ESYT3: variants seen among roughly 807,000 people sequenced by gnomAD.
The protein encoded by ESYT3 is extended synaptotagmin 3, also known as extended synaptotagmin-3.
In ESYT3, 101 loss-of-function variants were observed where a neutral mutation model predicts 111.5. The ratio of observed to expected loss-of-function variants is 0.91; its 90% CI spans 0.77 to 1.07. The LOEUF is 1.07. ESYT3 is among the 50% of genes least tolerant of loss of function. The probability of loss-of-function intolerance (pLI) is 0.00; values close to 1 mark genes in which losing one functional copy is unlikely to be tolerated. For synonymous variants in ESYT3, 416 were observed against 446.8 expected, an observed-to-expected ratio of 0.93 and a Z score of 0.87; for missense variants, 1,097 against 1,109.4, an observed-to-expected ratio of 0.99 and a Z score of 0.16.
Position 138,440,281 on chromosome 3 carries a change from G to C in ESYT3, c.327+5156G>C, listed in dbSNP as rs1407771556. Among the ~76,000 whole-genome samples the C allele has an allele frequency of 6.6e-6, 1 of 152,216 alleles. No homozygotes were observed. The stretch of plus-strand genomic sequence containing the variant: ...TGAGGCGCAGAGCAGTGGTCCCTGG[G>C]ATTGCTCCCTCCAAGCCTCCCTGCC... On this transcript the variant is annotated intron_variant, in intron 1 of 22. Transcript: ENST00000389567. The surrounding 1 kb of genome is among the most constrained non-coding windows in gnomAD (Gnocchi z 4.2).
intron 10 of ESYT3, among the ~76,000 whole-genome samples, chr3:138,466,480 C>G (rs1200234990): frequency 6.6e-6 from 1 of 152,140 alleles, no homozygotes; most frequent in Non-Finnish European, 1.5e-5. Context: ...AAAACAGTTG[C>G]AATTTTTGTA....
In ESYT3 at chr3:138,479,624, CTCAA is replaced by C. The variant is rs58276388; in HGVS notation, c.*2778_*2781del. ...TAGCTAATTGGCATACAGAGCTGTT[CTCAA>C]TCAATCACCTAAGTACCCCCACAGT... On this transcript the variant is annotated 3_prime_UTR_variant, in exon 23 of 23. Transcript: ENST00000389567. 90,792 of 151,534 alleles carry C rather than the reference CTCAA, an allele frequency of 0.6. 27,729 individuals are homozygous for C. Among genetic ancestry groups the C allele is most frequent in the East Asian group, 0.94 (4,863 of 5,148 alleles). The allele number at this position is 151,534 out of a possible 1,614,324, so 9.4% of individuals were successfully genotyped here.
chr3:138,459,147 AC>A (rs1189313616), intron 4 of ESYT3, 39 bp from the exon 5 acceptor site: 7 of 1,463,920 alleles, frequency 4.8e-6, no homozygotes, highest in African/African-American at 4.3e-5. Flanking sequence ...AAGTGGACCT[AC>A]CCCTCCTCCC....
At chr3:138,452,210 G>GAA in intron 2 of ESYT3, 121 bp downstream of exon 2, 3 of 869,936 alleles carry the variant, frequency 3.4e-6, no homozygotes, top group Non-Finnish European at 5.3e-6. Context: ...CGCGGGCAGG[G>GAA]ATGCTCCCTT....
At position 138,478,052 on chromosome 3, in the gene ESYT3, T is replaced by TTAAG. The variant is rs762817206; in HGVS notation, c.*1204_*1207dup. 2.0e-5 allele frequency: 3 copies of TTAAG among 152,216 alleles called. No homozygotes were observed. The highest frequency in any genetic ancestry group is 4.4e-5 in the Non-Finnish European group (3 of 68,020). The allele number at this position is 152,216 out of a possible 1,614,324, so 9.4% of individuals were successfully genotyped here. On this transcript the variant is annotated 3_prime_UTR_variant, in exon 23 of 23. Transcript: ENST00000389567. ...TCATGTCTCAAACCTATTTCCTCTA[T>TTAAG]TAAGTAAGTCAGTCAATCCATAGTG...
At chr3:138,461,949 C>A (rs2032663582) in intron 7 of ESYT3, 137 bp from the exon 8 acceptor site, 1 of 1,240,876 alleles carries the variant, frequency 8.1e-7, no homozygotes, top group Non-Finnish European at 1.1e-6. Flanking sequence ...CCTACCCAGG[C>A]AAGTGGGGTC....
In ESYT3 at chr3:138,473,526, T is replaced by C. The variant is rs1162569201; in HGVS notation, c.2238-10T>C. On this transcript the variant is annotated splice_polypyrimidine_tract_variant and intron_variant, in intron 18 of 22. Coordinates refer to ENST00000389567, the MANE Select transcript of ESYT3 (RefSeq NM_031913.5). ...TATGGCGAGAGAAGTGATGGGCTCT[T>C]TCTTTACAGAGGTGGGGACCTCAGG... 2.5e-6 allele frequency: 4 copies of C among 1,610,220 alleles called. No homozygotes were observed. The highest frequency in any genetic ancestry group is 1.1e-5 in the South Asian group (1 of 91,016).
At chr3:138,455,063 G>A (rs56236670) in intron 2 of ESYT3, 131 bp from the exon 3 acceptor site, 515,009 of 978,646 alleles carry the variant, frequency 0.53, 138,983 homozygotes, top group Admixed American at 0.69. Context: ...AGGCAAGCAG[G>A]TGAGTGCTGC....
chr3:138,458,806 CAG>C (rs1426130185), intron 4 of ESYT3, among the ~76,000 whole-genome samples: 3 of 152,196 alleles, frequency 2.0e-5, no homozygotes, highest in Non-Finnish European at 4.4e-5. Context: ...AGAGATGGGA[CAG>C]GGGGACAGCA....
At chr3:138,471,708 T>C (rs1304283124) in intron 17 of ESYT3, among the ~76,000 whole-genome samples, 2 of 152,232 alleles carry the variant, frequency 1.3e-5, no homozygotes, top group African/African-American at 2.4e-5. Flanking sequence ...GGTTGTTCTC[T>C]TCCAAGGAGC....
In ESYT3 at chr3:138,476,940, A is replaced by G. The variant is rs915223539; in HGVS notation, c.*86A>G. 1.7e-5 allele frequency: 18 copies of G among 1,034,556 alleles called. No homozygotes were observed. Among genetic ancestry groups the G allele is most frequent in the Non-Finnish European group, 2.5e-5 (18 of 709,964 alleles). The allele number at this position is 1,034,556 out of a possible 1,614,324, so 64.1% of individuals were successfully genotyped here. A position where few individuals can be genotyped will look rare whatever the true frequency, so the allele number is the denominator to read the frequency against. Reference sequence around the variant, plus strand: ...CCTTTGGATCACTTACATCCAATATATGTATATTTTGTCATTTAAATCAGA... The same window carrying G: ...CCTTTGGATCACTTACATCCAATATGTGTATATTTTGTCATTTAAATCAGA... On this transcript the variant is annotated 3_prime_UTR_variant, in exon 23 of 23. Transcript: ENST00000389567.
At chr3:138,460,571 C>T (rs1560230174) in intron 6 of ESYT3, 40 bp from the exon 7 acceptor site, 1 of 1,610,196 alleles carries the variant, frequency 6.2e-7, no homozygotes, top group South Asian at 1.1e-5. Flanking sequence ...CCTGGGCTCC[C>T]AACCCTTTCC....
At chr3:138,470,295 G>A (rs1000160141) in intron 16 of ESYT3, 149 bp downstream of exon 16, 2 of 1,368,032 alleles carry the variant, frequency 1.5e-6, no homozygotes, top group East Asian at 5.9e-5. Context: ...GGCCCCACAA[G>A]GCCTCATCTC....
Sources: gnomAD v4.1 joint callset for allele counts (sites outside exome capture counted in the v4.1 genomes callset) on GRCh38, gnomAD v4.1.1 for gene constraint, Gnocchi (gnomAD v3.1) non-coding constraint, MANE v1.5 for transcripts, NCBI Gene and HGNC (gene_info 2026-07-23, HGNC 2026-07-21) for gene names.